RCAN2: variants seen among roughly 807,000 people sequenced by gnomAD.
The protein encoded by RCAN2 is calcipressin-2.
A neutral mutation model predicts 23.6 loss-of-function variants in RCAN2; 9 were observed. The ratio of observed to expected loss-of-function variants is 0.38; its 90% confidence interval spans 0.23 to 0.67. The LOEUF (loss-of-function observed/expected upper bound fraction) is 0.67. Among genes scored for constraint, RCAN2 ranks in the 30% least tolerant of loss-of-function variants. RCAN2 has a pLI of 0.51. For synonymous variants in RCAN2, 109 were observed against 115.7 expected (o/e 0.94, Z 0.37); for missense variants, 273 against 302.3 (o/e 0.90, Z 0.72).
chr6:46,394,355 A>G lies in RCAN2; in HGVS notation c.225+62397T>C, dbSNP rs182360202. ...ATTTGCACAAAGTAAGATGTGCTGA[A>G]TAACTCCTGAATTACTTTTCATTAC... is the stretch of plus-strand genomic sequence containing the variant. On this transcript the variant is annotated intron_variant, in intron 2 of 4. Transcript: ENST00000371374. Among the ~76,000 whole-genome samples, 54 of 152,376 alleles carry G rather than the reference A, an allele frequency of 3.5e-4. No homozygotes were observed. The East Asian group carries it at 4.2e-3, about 12-fold the overall frequency.
chr6:46,429,868 A>G (rs1767139564), intron 2 of RCAN2, among the ~76,000 whole-genome samples: 1 of 152,212 alleles, frequency 6.6e-6, no homozygotes, highest in Non-Finnish European at 1.5e-5. Flanking sequence ...TGCGGCTGGC[A>G]GTGTATATGG....
intron 2 of RCAN2, among the ~76,000 whole-genome samples, chr6:46,451,304 A>T (rs1035746108): frequency 1.3e-5 from 2 of 152,206 alleles, no homozygotes; most frequent in Non-Finnish European, 2.9e-5. Context: ...CACAGGGCTC[A>T]TATTGTGTAA....
At chr6:46,234,296 G>C (rs1157961140) in intron 4 of RCAN2, among the ~76,000 whole-genome samples, 1 of 152,238 alleles carries the variant, frequency 6.6e-6, no homozygotes, top group Non-Finnish European at 1.5e-5. Flanking sequence ...AAGCTTAACA[G>C]CTGCTGAGAA....
At chr6:46,265,491 A>T (rs1767291561) in intron 2 of RCAN2, among the ~76,000 whole-genome samples, 1 of 152,192 alleles carries the variant, frequency 6.6e-6, no homozygotes, top group African/African-American at 2.4e-5. Flanking sequence ...TATAATTAGG[A>T]TGACTACACA....
At chr6:46,449,384 T>C (rs999987358) in intron 2 of RCAN2, among the ~76,000 whole-genome samples, 1 of 151,358 alleles carries the variant, frequency 6.6e-6, no homozygotes, top group Non-Finnish European at 1.5e-5. Flanking sequence ...AGTATTAATA[T>C]TAAATATTAA....
At chr6:46,249,923 C>A (rs1015614168) in intron 2 of RCAN2, among the ~76,000 whole-genome samples, 15 of 152,152 alleles carry the variant, frequency 9.9e-5, no homozygotes, top group African/African-American at 3.6e-4. Flanking sequence ...AAAAAAAAAT[C>A]TCTATTGCAT....
At position 46,297,181 on chromosome 6, in the gene RCAN2, G is replaced by C. The variant is rs377238227; in HGVS notation, c.226-48285C>G. On this transcript the variant is annotated intron_variant, in intron 2 of 4. Coordinates refer to ENST00000371374, the MANE Select transcript of RCAN2 (RefSeq NM_001251974.2). ...AACTGGCATATTTTCACTGCAGCAG[G>C]TACCCCATGGGGCATCCAATTTTGC... 7.9e-5 allele frequency among the ~76,000 whole-genome samples: 12 copies of C among 152,092 alleles called. 1 individual carries two copies. The South Asian group carries it at 2.3e-3, about 29-fold the overall frequency.
intron 2 of RCAN2, among the ~76,000 whole-genome samples, chr6:46,427,607 C>T (rs1767067241): frequency 6.6e-6 from 1 of 152,108 alleles, no homozygotes; most frequent in African/African-American, 2.4e-5. Flanking sequence ...AATGACATAC[C>T]TATCAGATTA....
chr6:46,382,012 C>T (rs1276051664), intron 2 of RCAN2, among the ~76,000 whole-genome samples: 1 of 152,116 alleles, frequency 6.6e-6, no homozygotes, highest in Non-Finnish European at 1.5e-5. Flanking sequence ...GAAAAACTAG[C>T]CCCTAAGCAA....
intron 2 of RCAN2, among the ~76,000 whole-genome samples, chr6:46,376,504 ACC>A (rs965876662): frequency 1.3e-5 from 2 of 152,056 alleles, no homozygotes; most frequent in African/African-American, 4.8e-5. Context: ...ATATGGTAAA[ACC>A]CCGTCTCTAC....
At chr6:46,232,926 C>T (rs1018975515) in intron 4 of RCAN2, among the ~76,000 whole-genome samples, 1 of 151,972 alleles carries the variant, frequency 6.6e-6, no homozygotes, top group African/African-American at 2.4e-5. Flanking sequence ...GTGACGGTTA[C>T]ATGGAACTCC....
rs772705282 is a variant in RCAN2, at chr6:46,456,962, T to C, written c.15A>G (p.Ser5=). 2.6e-6 allele frequency: 4 copies of C among 1,550,324 alleles called. No individual in the cohort carries two copies. The South Asian group carries it at 4.8e-5, about 18-fold the overall frequency. The change falls in exon 2 of 5, where the codon TCA becomes TCG. Residue 5 remains serine, a synonymous_variant. Coordinates refer to ENST00000371374, the MANE Select transcript of RCAN2 (RefSeq NM_001251974.2). MRGE[S]YFIGMRSPGQ... is the part of the protein sequence containing the mutation. ...CTGGGCTCCTCATTCCGATGAAGTA[T>C]GATTCTCCCCTCATTCCTGGGGATA... is the stretch of plus-strand genomic sequence containing the variant.
At chr6:46,389,695 G>A (rs1765872360) in intron 2 of RCAN2, among the ~76,000 whole-genome samples, 1 of 152,066 alleles carries the variant, frequency 6.6e-6, no homozygotes, top group African/African-American at 2.4e-5. Context: ...TAAAGTCGTA[G>A]AGGCCTTATA....
At chr6:46,230,705 C>T (rs879539907) in intron 4 of RCAN2, among the ~76,000 whole-genome samples, 3 of 152,174 alleles carry the variant, frequency 2.0e-5, no homozygotes, top group Non-Finnish European at 2.9e-5. Context: ...AAAGGGAATT[C>T]CCCAACCCCT....
At chr6:46,405,942 C>A (rs968032695) in intron 2 of RCAN2, among the ~76,000 whole-genome samples, 18 of 152,338 alleles carry the variant, frequency 1.2e-4, no homozygotes, top group Non-Finnish European at 2.2e-4. Flanking sequence ...GGCAAGAGAT[C>A]GAGCACAGCG....
Position 46,222,246 on chromosome 6 carries a change from G to T in RCAN2, c.*895C>A, listed in dbSNP as rs528229824. 13 of 353,366 alleles carry T rather than the reference G, an allele frequency of 3.7e-5. No individual in the cohort carries two copies. The highest frequency in any genetic ancestry group is 6.1e-5 in the Non-Finnish European group (12 of 198,066). 21.9% of individuals were successfully genotyped at this position (353,366 alleles called of 1,614,324 possible). ...ACATTATGTTTTGAAGCAGCTAATTGTCGAACAATCACTAAATAAAAAACA... is the reference window on the plus strand; with the variant it reads ...ACATTATGTTTTGAAGCAGCTAATTTTCGAACAATCACTAAATAAAAAACA... On this transcript the variant is annotated 3_prime_UTR_variant, in exon 5 of 5. Transcript: ENST00000371374.
At chr6:46,341,025 A>T (rs1252474587) in intron 2 of RCAN2, among the ~76,000 whole-genome samples, 4 of 152,220 alleles carry the variant, frequency 2.6e-5, no homozygotes, top group African/African-American at 9.6e-5. Flanking sequence ...ATGAAAGCAA[A>T]ACTGGTAAAA....
At chr6:46,414,524 T>G (rs550957102) in intron 2 of RCAN2, among the ~76,000 whole-genome samples, 6 of 152,368 alleles carry the variant, frequency 3.9e-5, no homozygotes, top group African/African-American at 1.4e-4. Context: ...TGGGTGTTTT[T>G]GTGAACATAT....
chr6:46,368,429 C>T (rs572046177), intron 2 of RCAN2, among the ~76,000 whole-genome samples: 2 of 152,262 alleles, frequency 1.3e-5, no homozygotes, highest in South Asian at 2.1e-4. Context: ...CAGCATTAAG[C>T]ATACAGTCAT....
Sources: allele counts gnomAD v4.1 joint callset (sites outside exome capture counted in the v4.1 genomes callset), GRCh38; gene constraint gnomAD v4.1.1; transcripts MANE v1.5; gene names NCBI Gene and HGNC (gene_info 2026-07-23, HGNC 2026-07-21).